Variants in BICDL2 observed in about 807,000 individuals in gnomAD.
The protein encoded by BICDL2 is BICD family-like cargo adapter 2.
In BICDL2, 62 loss-of-function variants were observed where a neutral mutation model predicts 56.6. The ratio of observed to expected loss-of-function variants is 1.10; its 90% CI spans 0.89 to 1.35. The LOEUF (loss-of-function observed/expected upper bound fraction) is 1.35. BICDL2 is among the 40% of genes most tolerant of loss of function. The pLI, the probability that BICDL2 is intolerant of heterozygous loss-of-function variation, is 0.00. For synonymous variants in BICDL2, 358 were observed against 319.8 expected, an observed-to-expected ratio of 1.12 and a Z score of -1.27; for missense variants, 808 against 684.5, an observed-to-expected ratio of 1.18 and a Z score of -2.01.
At chr16:3,035,588 C>G in intron 1 of BICDL2, 62 bp from the exon 2 acceptor site, 1 of 1,429,790 alleles carries the variant, frequency 7.0e-7, no homozygotes, top group Non-Finnish European at 9.3e-7. Context: ...ACCTGGCCCT[C>G]CAGGAATTCT....
intron 6 of BICDL2, 27 bp downstream of exon 6, chr16:3,029,518 A>G (rs1955618384): frequency 6.4e-7 from 1 of 1,562,946 alleles, no homozygotes; most frequent in African/African-American, 1.4e-5. Flanking sequence ...TGGCACAGGT[A>G]AGGGGGCTGG....
In BICDL2 at chr16:3,035,422, G is replaced by A; in HGVS notation, c.75C>T (p.Gly25=). 2 of 1,612,552 alleles carry A rather than the reference G, an allele frequency of 1.2e-6. No individual in the cohort carries two copies. Among genetic ancestry groups the A allele is most frequent in the Non-Finnish European group, 1.7e-6 (2 of 1,179,824 alleles). Residue 25 remains glycine, a synonymous_variant, in exon 2 of 10, where the codon GGC becomes GGT. Transcript: ENST00000572449. ...GCCGCTCCAGCACAAAGGGGAAGAA[G>A]CCCTCGTCGCCGCTGGGAGAGGCGC... is the stretch of plus-strand genomic sequence containing the variant. ...SGGASPSGDE[G]FFPFVLERRD... is the part of the protein sequence containing the mutation.
At chr16:3,032,364 G>C (rs1468343939) in intron 2 of BICDL2, 1 of 152,226 alleles carries the variant, frequency 6.6e-6, no homozygotes, top group South Asian at 2.1e-4. Context: ...GCTGATGCTC[G>C]GCTCTGCTGA....
chr16:3,031,562 G>A, intron 2 of BICDL2: 1 of 417,414 alleles, frequency 2.4e-6, no homozygotes. Flanking sequence ...CCCCTCCCCA[G>A]CTCCTCCTAG....
Position 3,035,458 on chromosome 16 carries a change from C to T in BICDL2, c.39G>A (p.Pro13=), listed in dbSNP as rs753499428. The change falls in exon 2 of 10, where the codon CCG becomes CCA. Residue 13 remains proline, a synonymous_variant. Transcript: ENST00000572449. ...SPDGPSFPSG[P]LSGGASPSGD... ...CGCTGGGAGAGGCGCCCCCTGAGAG[C>T]GGCCCGGACGGGAAGCTGGGCCCAT... 6.8e-6 allele frequency: 11 copies of T among 1,611,526 alleles called. No individual in the cohort carries two copies. Among genetic ancestry groups the T allele is most frequent in the Middle Eastern group, 1.7e-4 (1 of 5,926 alleles).
intron 1 of BICDL2, chr16:3,035,826 C>T (rs1167491790): frequency 5.1e-6 from 2 of 391,822 alleles, no homozygotes; most frequent in Admixed American, 4.3e-5. Flanking sequence ...CTCCCTGTCC[C>T]CTCTCTTCCC....
At chr16:3,028,679 G>T in intron 8 of BICDL2, 21 bp downstream of exon 8, 18 of 1,563,974 alleles carry the variant, frequency 1.2e-5, no homozygotes, top group Non-Finnish European at 1.5e-5. Flanking sequence ...CTGGGGCGGT[G>T]GTCAATGGCT....
intron 1 of BICDL2, chr16:3,036,203 C>T (rs1386962822): frequency 2.2e-6 from 1 of 447,054 alleles, no homozygotes; most frequent in South Asian, 1.6e-5. Flanking sequence ...CCTCCGGACT[C>T]AGGAGCCCTG....
intron 4 of BICDL2, 30 bp from the exon 5 acceptor site, chr16:3,030,625 G>T (rs1955638828): frequency 6.3e-7 from 1 of 1,594,996 alleles, no homozygotes; most frequent in South Asian, 1.1e-5. Flanking sequence ...CTGGGGACAG[G>T]GGCAGCCCCT....
In BICDL2 at chr16:3,027,865, C is replaced by T. The variant is rs2072842930; in HGVS notation, c.*241G>A. 3 of 826,304 alleles carry T rather than the reference C, an allele frequency of 3.6e-6. No homozygotes were observed. Among genetic ancestry groups the T allele is most frequent in the Non-Finnish European group, 5.4e-6 (3 of 557,952 alleles). 51.2% of individuals were successfully genotyped at this position (826,304 alleles called of 1,614,324 possible). ...CCATCCCTGCCCTAGAAAAGATAGACGTATATTAATTCGGAAAATAGCTCT... is the reference window on the plus strand; with the variant it reads ...CCATCCCTGCCCTAGAAAAGATAGATGTATATTAATTCGGAAAATAGCTCT... On this transcript the variant is annotated 3_prime_UTR_variant, in exon 10 of 10. Transcript: ENST00000572449.
At chr16:3,035,176 T>TTGCCCCGGGGGGGGGGGGGGGGGG in intron 2 of BICDL2, 39 bp downstream of exon 2, 1 of 136,274 alleles carries the variant, frequency 7.3e-6, no homozygotes, top group Non-Finnish European at 1.4e-5. Context: ...CGTCCTCCCC[T>TTGCCCCGGGGGGGGGGGGGGGGGG]GCCCACCCAC....
Position 3,029,404 on chromosome 16 carries a change from T to A in BICDL2, c.983A>T (p.Lys328Met). 6.2e-7 allele frequency: 1 copy of A among 1,606,822 alleles called. No individual in the cohort carries two copies. The highest frequency in any genetic ancestry group is 1.3e-5 in the African/African-American group (1 of 74,938). ...TPTTRSPKTR[K>M]ASSPQPSPPE... The stretch of plus-strand genomic sequence containing the variant: ...GGGTGAAGGCTGGGGGCTGGACGCC[T>A]TTCGGGTCTTTGGGGACCGGGTGGT... Residue 328 changes from lysine (K) to methionine (M), a missense_variant, in exon 7 of 10, where the codon AAG (lysine) becomes ATG (methionine). Physicochemically the swap from Lys to Met is moderately conservative, Grantham distance 95 (BLOSUM62 -1). Transcript: ENST00000572449.
rs755520651 is a variant in BICDL2 at position 3,028,652 on chromosome 16, G to A, written c.1238+48C>T. The A allele has an allele frequency of 1.2e-5, 19 of 1,548,284 alleles. No homozygotes were observed. In the East Asian group the frequency reaches 3.8e-4, roughly 31 times the overall value. On this transcript the variant is annotated intron_variant, in intron 8 of 9. Coordinates refer to ENST00000572449, the MANE Select transcript of BICDL2 (RefSeq NM_001369667.1). ...TATCAGAAGAGGAATCAGGAGCCCA[G>A]GAGGGCCCAGAGGGCGCTGGGGCGG...
rs753968030 is a variant in BICDL2 at position 3,030,536 on chromosome 16, C to G, written c.675G>C (p.Glu225Asp). 6.2e-7 allele frequency: 1 copy of G among 1,601,012 alleles called. No homozygotes were observed. Among genetic ancestry groups the G allele is most frequent in the South Asian group, 1.1e-5 (1 of 90,042 alleles). The change falls in exon 5 of 10, where the codon GAG becomes GAC. Residue 225 changes from glutamate (E) to aspartate (D), a missense_variant. Physicochemically the swap from Glu to Asp is conservative, Grantham distance 45 (BLOSUM62 2). Coordinates refer to ENST00000572449, the MANE Select transcript of BICDL2 (RefSeq NM_001369667.1). The stretch of plus-strand genomic sequence containing the variant: ...GTCTGCCCTCACCCTTCTCCACCTC[C>G]TCACGCAGGCCTCGGATCTGGGCCT... The part of the protein sequence containing the change: ...DLEAQIRGLR[E>D]EVEKGEGRLQ...
intron 2 of BICDL2, among the ~76,000 whole-genome samples, chr16:3,033,153 A>T (rs1392216244): frequency 6.6e-6 from 1 of 151,870 alleles, no homozygotes; most frequent in African/African-American, 2.4e-5. Context: ...AAAAATACAA[A>T]AATTAGCTGG....
At chr16:3,033,941 T>C (rs923078047) in intron 2 of BICDL2, among the ~76,000 whole-genome samples, 2 of 152,210 alleles carry the variant, frequency 1.3e-5, no homozygotes, top group Admixed American at 1.3e-4. Flanking sequence ...GCCCACTAGG[T>C]GGCCTGGTGG....
At position 3,030,587 on chromosome 16, in the gene BICDL2, C is replaced by T. The variant is rs1482637830; in HGVS notation, c.624G>A (p.Met208Ile). 6.3e-7 allele frequency: 1 copy of T among 1,597,128 alleles called. No individual in the cohort carries two copies. The highest frequency in any genetic ancestry group is 8.5e-7 in the Non-Finnish European group (1 of 1,175,592). ...RLESLQGENQ[M>I]LQSRRQDLEA... The stretch of plus-strand genomic sequence containing the variant: ...CCAGGTCCTGCCGGCGGCTCTGCAG[C>T]ATCTGGTTCTGGGGAAAGGCCTGAG... The change falls in exon 5 of 10, where the codon ATG becomes ATA. Residue 208 changes from methionine (M) to isoleucine (I), a missense_variant. By Grantham distance (10) the Met-to-Ile change is conservative. Transcript: ENST00000572449.
chr16:3,030,757 C>T lies in BICDL2; in HGVS notation c.554G>A (p.Cys185Tyr), dbSNP rs1182930162. Residue 185 changes from cysteine (C) to tyrosine (Y), a missense_variant, in exon 4 of 10, where the codon TGC (cysteine) becomes TAC (tyrosine). By Grantham distance (194) the Cys-to-Tyr change is radical. Coordinates refer to ENST00000572449, the MANE Select transcript of BICDL2 (RefSeq NM_001369667.1). ...QRELDALRGQ[C>Y]QAQALAGAEL... The stretch of plus-strand genomic sequence containing the variant: ...TGCTCCAGCCAGTGCCTGAGCCTGG[C>T]ACTGTCCCCGAAGGGCGTCCAGTTC... 5.0e-6 allele frequency: 8 copies of T among 1,612,660 alleles called. No homozygotes were observed. The highest frequency in any genetic ancestry group is 1.7e-5 in the Admixed American group (1 of 59,978).
intron 5 of BICDL2, chr16:3,030,180 G>T (rs772119719): frequency 9.8e-6 from 5 of 511,978 alleles, no homozygotes; most frequent in Non-Finnish European, 1.7e-5. Flanking sequence ...TTGCGCAGCC[G>T]TGGTCTAGGG....
Sources: allele counts gnomAD v4.1 joint callset (sites outside exome capture counted in the v4.1 genomes callset), GRCh38; gene constraint gnomAD v4.1.1; transcripts MANE v1.5; gene names NCBI Gene and HGNC (gene_info 2026-07-23, HGNC 2026-07-21).